Variants in IDUA observed in about 807,000 individuals in gnomAD.
IDUA encodes alpha-L-iduronidase.
A neutral mutation model predicts 68.9 loss-of-function variants in IDUA; 65 were observed. That is an observed-to-expected ratio of 0.94 (90% CI 0.77 to 1.16). The LOEUF (loss-of-function observed/expected upper bound fraction) is 1.16. IDUA is among the 50% of genes most tolerant of loss of function. The probability of loss-of-function intolerance (pLI) is 0.00; values close to 1 mark genes in which losing one functional copy is unlikely to be tolerated. For missense variants in IDUA, 1,046 were observed against 938.0 expected, an observed-to-expected ratio of 1.12 and a Z score of -1.50; for synonymous variants, 529 against 433.6, an observed-to-expected ratio of 1.22 and a Z score of -2.73.
chr4:990,155 A>G lies in IDUA; in HGVS notation c.299+2206A>G, dbSNP rs1219843112. On this transcript the variant is annotated intron_variant, in intron 2 of 13. Transcript: ENST00000514224. Reference sequence around the variant, plus strand: ...CACACCGTGCTGGTGACCACGTCGCACACGTTGGCCTGCCCGGCGCCGCGC... The same window carrying G: ...CACACCGTGCTGGTGACCACGTCGCGCACGTTGGCCTGCCCGGCGCCGCGC... 3.4e-5 allele frequency: 53 copies of G among 1,564,498 alleles called. No individual in the cohort carries two copies. The highest frequency in any genetic ancestry group is 4.4e-5 in the Non-Finnish European group (51 of 1,155,736).
intron 2 of IDUA, chr4:992,313 A>G (rs1714426609): frequency 4.8e-6 from 2 of 418,730 alleles, no homozygotes; most frequent in Admixed American, 2.4e-5. Flanking sequence ...GCTCTCCTGG[A>G]GACACCTCCA....
At chr4:1,000,499 G>C in intron 2 of IDUA, 113 bp from the exon 3 acceptor site, 5 of 842,226 alleles carry the variant, frequency 5.9e-6, no homozygotes, top group Non-Finnish European at 1.0e-5. Flanking sequence ...CGGGATCGGA[G>C]TCCTGTGTGG....
intron 2 of IDUA, chr4:988,902 A>G (rs757123282): frequency 4.5e-5 from 73 of 1,604,662 alleles, no homozygotes; most frequent in Non-Finnish European, 5.8e-5. Context: ...CATCGTGCAC[A>G]CTGAGGAACA....
At chr4:991,739 G>A (rs759103760) in intron 2 of IDUA, 63 of 1,527,564 alleles carry the variant, frequency 4.1e-5, no homozygotes, top group Non-Finnish European at 5.2e-5. Context: ...ACCTGCGGCC[G>A]AGAAGAGGGC....
chr4:989,408 C>T lies in IDUA; in HGVS notation c.299+1459C>T, dbSNP rs369620087. Reference sequence around the variant, plus strand: ...GTGTCCCCGATGCGGGCCAGCAGGGCGGTGCGTGGGCGTTGGGTGCGGCCG... The same window carrying T: ...GTGTCCCCGATGCGGGCCAGCAGGGTGGTGCGTGGGCGTTGGGTGCGGCCG... On this transcript the variant is annotated intron_variant, in intron 2 of 13. Transcript: ENST00000514224. 2.6e-5 allele frequency: 40 copies of T among 1,561,054 alleles called. No homozygotes were observed. The highest frequency in any genetic ancestry group is 3.0e-5 in the Non-Finnish European group (35 of 1,153,144).
intron 2 of IDUA, chr4:988,165 C>G (rs1298313784): frequency 3.6e-6 from 5 of 1,394,992 alleles, no homozygotes; most frequent in Non-Finnish European, 4.6e-6. Flanking sequence ...GCAGGTCTCC[C>G]TGCAGGCTCA....
In IDUA at chr4:1,003,429, C is replaced by G; in HGVS notation, c.1609C>G (p.Leu537Val). ...CGCGCTGCGGCTGCCGTCGCTTTTGCTGGTGCACGTGTGTGCGCGCCCCGA... is the reference window on the plus strand; with the variant it reads ...CGCGCTGCGGCTGCCGTCGCTTTTGGTGGTGCACGTGTGTGCGCGCCCCGA... The part of the protein sequence containing the change: ...RPALRLPSLL[L>V]VHVCARPEKP... The change falls in exon 11 of 14, where the codon CTG becomes GTG. Residue 537 changes from leucine to valine, a missense_variant. Physicochemically the swap from Leu to Val is conservative, Grantham distance 32. Transcript: ENST00000514224. 6.5e-7 allele frequency: 1 copy of G among 1,533,922 alleles called. No individual in the cohort carries two copies. Among genetic ancestry groups the G allele is most frequent in the Non-Finnish European group, 8.7e-7 (1 of 1,146,630 alleles).
At chr4:995,290 G>A (rs1016817377) in intron 2 of IDUA, among the ~76,000 whole-genome samples, 30 of 151,350 alleles carry the variant, frequency 2.0e-4, no homozygotes, top group Admixed American at 1.2e-3. Context: ...TGATCCACCC[G>A]CCTCGGCCTC....
In IDUA at chr4:998,633, C is replaced by T. The variant is rs773040485; in HGVS notation, c.300-1979C>T. 2.6e-5 allele frequency among the ~76,000 whole-genome samples: 4 copies of T among 152,166 alleles called. No homozygotes were observed. The East Asian group carries it at 7.7e-4, about 29-fold the overall frequency. On this transcript the variant is annotated intron_variant, in intron 2 of 13. Coordinates refer to ENST00000514224, the MANE Select transcript of IDUA (RefSeq NM_000203.5). ...CTCAGGCCAGAAGCATCACTCACAA[C>T]TCCAGACCCTTGCACACCAATCTCC...
chr4:1,003,213 G>A, intron 10 of IDUA, 56 bp downstream of exon 10: 4 of 1,270,502 alleles, frequency 3.1e-6, no homozygotes, highest in Non-Finnish European at 4.0e-6. Flanking sequence ...CCGGGGGGGT[G>A]GGGTCCGGGG....
chr4:994,176 A>G (rs1347462308), intron 2 of IDUA, among the ~76,000 whole-genome samples: 2 of 152,016 alleles, frequency 1.3e-5, no homozygotes, highest in Non-Finnish European at 2.9e-5. Flanking sequence ...ACGATGGTTC[A>G]CTCCTGTAAT....
intron 8 of IDUA, 76 bp from the exon 9 acceptor site, chr4:1,002,656 G>C (rs1715168180): frequency 8.2e-7 from 1 of 1,226,228 alleles, no homozygotes; most frequent in Admixed American, 2.4e-5. Flanking sequence ...GGAGCGAGTG[G>C]TGGGAGGCCC....
At chr4:996,386 T>C (rs1258743422) in intron 2 of IDUA, among the ~76,000 whole-genome samples, 1 of 152,104 alleles carries the variant, frequency 6.6e-6, no homozygotes, top group Non-Finnish European at 1.5e-5. Context: ...ACCTGGGTGC[T>C]ACAGCAGGGG....
In IDUA at chr4:1,004,391, T is replaced by G. The variant is rs387906504; in HGVS notation, c.1960T>G (p.Ter654GlyextTer?). Residue 654 changes from the stop codon to glycine (G), a stop_lost, in exon 14 of 14, where the codon TGA becomes GGA. Transcript: ENST00000514224. This position sits in a 1 kb window ranked among gnomAD's most constrained non-coding sequence, Gnocchi z 5.0. The stretch of plus-strand genomic sequence containing the variant: ...AGGGCCCCCATCCCCGGGCAATCCA[T>G]GAGCCTGTGCTGAGCCCCAGTGGGT... ...PRGPPSPGNP[*>G] 6.2e-7 allele frequency: 1 copy of G among 1,610,268 alleles called. No homozygotes were observed. Among genetic ancestry groups the G allele is most frequent in the Non-Finnish European group, 8.5e-7 (1 of 1,179,958 alleles).
At chr4:999,024 G>A (rs1714914872) in intron 2 of IDUA, among the ~76,000 whole-genome samples, 1 of 152,026 alleles carries the variant, frequency 6.6e-6, no homozygotes, top group African/African-American at 2.4e-5. Context: ...CTAACATGGT[G>A]AAACTCCGTC....
intron 1 of IDUA, 186 bp from the exon 2 acceptor site, chr4:987,623 C>G: frequency 2.8e-6 from 4 of 1,443,580 alleles, no homozygotes; most frequent in Non-Finnish European, 3.6e-6. Flanking sequence ...CTTACTGCTG[C>G]TGCCGTTCCC....
At position 987,950 on chromosome 4, in the gene IDUA, G is replaced by T. The variant is rs398123259; in HGVS notation, c.299+1G>T. 1.3e-6 allele frequency: 2 copies of T among 1,571,186 alleles called. No individual in the cohort carries two copies. Among genetic ancestry groups the T allele is most frequent in the Admixed American group, 3.7e-5 (2 of 54,056 alleles). On this transcript the variant is annotated splice_donor_variant, in intron 2 of 13. Coordinates refer to ENST00000514224, the MANE Select transcript of IDUA (RefSeq NM_000203.5). LOFTEE classifies it high-confidence loss of function. ...GGCTGCTGGAGCTTGTCACCACCAG[G>T]TGGGCGGCGGGCAGGGTCTGGGCGT...
At chr4:990,372 G>C (rs757868510) in intron 2 of IDUA, 4 of 1,583,808 alleles carry the variant, frequency 2.5e-6, no homozygotes, top group South Asian at 1.1e-5. Context: ...CCTGTGGACG[G>C]AGTGCGGTCA....
At chr4:1,001,644 A>T in intron 5 of IDUA, 35 bp from the exon 6 acceptor site, 1 of 1,605,998 alleles carries the variant, frequency 6.2e-7, no homozygotes, top group Non-Finnish European at 8.5e-7. Flanking sequence ...GCTCATCCCC[A>T]GGGCAGGTGT....
Sources: gnomAD v4.1 joint callset for allele counts (sites outside exome capture counted in the v4.1 genomes callset) on GRCh38, gnomAD v4.1.1 for gene constraint, Gnocchi (gnomAD v3.1) non-coding constraint, MANE v1.5 for transcripts, NCBI Gene and HGNC (gene_info 2026-07-23, HGNC 2026-07-21) for gene names.